The following IKZF3 variants were observed in gnomAD, a reference collection of about 807,000 sequenced individuals.
IKZF3 encodes the protein zinc finger protein Aiolos.
IKZF3 carries 10 observed loss-of-function variants against 49.0 expected under a neutral mutation model. The ratio of observed to expected loss-of-function variants is 0.20; its 90% CI spans 0.13 to 0.35. The LOEUF is 0.35. Ranked by LOEUF, IKZF3 falls within the 10% of genes least tolerant of loss-of-function variation. The pLI is 1.00. For synonymous variants in IKZF3, 209 were observed against 228.2 expected, an observed-to-expected ratio of 0.92 and a Z score of 0.76; for missense variants, 498 against 664.8, an observed-to-expected ratio of 0.75 and a Z score of 2.76.
intron 7 of IKZF3, among the ~76,000 whole-genome samples, chr17:39,774,917 C>T (rs574521026): frequency 1.2e-4 from 19 of 152,324 alleles, no homozygotes; most frequent in Non-Finnish European, 2.5e-4. Context: ...GAGAAAAAGG[C>T]TATCTGAAGT....
At position 39,829,564 on chromosome 17, in the gene IKZF3, C is replaced by T. The variant is rs1355807718; in HGVS notation, c.62-76G>A. 1.8e-5 allele frequency: 18 copies of T among 993,474 alleles called. No individual in the cohort carries two copies. The South Asian group carries it at 2.4e-4, about 13-fold the overall frequency. 61.5% of individuals were successfully genotyped at this position (993,474 alleles called of 1,614,324 possible). The stretch of plus-strand genomic sequence containing the variant: ...TATAAATATATATTAAGTAGACCCC[C>T]ATTTAACTTTCAGCTTCACACAATC... On this transcript the variant is annotated intron_variant, in intron 2 of 7. Transcript: ENST00000346872.
chr17:39,829,358 C>G, intron 3 of IKZF3, 29 bp downstream of exon 3: 1 of 1,444,930 alleles, frequency 6.9e-7, no homozygotes, highest in Non-Finnish European at 9.7e-7. Flanking sequence ...CTACAGGCAT[C>G]AGTGTTTAGT....
At chr17:39,792,557 C>T in intron 4 of IKZF3, 116 bp downstream of exon 4, 1 of 1,051,800 alleles carries the variant, frequency 9.5e-7, no homozygotes, top group Non-Finnish European at 1.4e-6. Flanking sequence ...AGAGATACAT[C>T]AGCATTATAG....
intron 1 of IKZF3, among the ~76,000 whole-genome samples, chr17:39,842,331 C>T (rs1598179134): frequency 6.6e-6 from 1 of 152,276 alleles, no homozygotes; most frequent in Non-Finnish European, 1.5e-5. Flanking sequence ...GTGTTTGAGA[C>T]AAGACTGGCC....
At chr17:39,816,545 T>C (rs1232353365) in intron 3 of IKZF3, among the ~76,000 whole-genome samples, 1 of 152,232 alleles carries the variant, frequency 6.6e-6, no homozygotes, top group Non-Finnish European at 1.5e-5. Context: ...GTTGAGAAGA[T>C]GCAACAGAGA....
At chr17:39,792,305 T>C (rs371803933) in intron 4 of IKZF3, among the ~76,000 whole-genome samples, 4 of 152,172 alleles carry the variant, frequency 2.6e-5, no homozygotes, top group East Asian at 1.9e-4. Flanking sequence ...TTACCAAATT[T>C]GAACCCAATA....
At chr17:39,792,631 T>C in intron 4 of IKZF3, 42 bp downstream of exon 4, 1 of 1,583,708 alleles carries the variant, frequency 6.3e-7, no homozygotes, top group Non-Finnish European at 8.6e-7. Context: ...CGTGGCTGCA[T>C]TAGGAGAGTT....
intron 3 of IKZF3, among the ~76,000 whole-genome samples, chr17:39,794,306 C>T (rs1287528775): frequency 6.6e-6 from 1 of 152,084 alleles, no homozygotes; most frequent in East Asian, 1.9e-4. Flanking sequence ...TATTACACAC[C>T]CTCCCATCAA....
chr17:39,797,563 T>C (rs962535032), intron 3 of IKZF3, among the ~76,000 whole-genome samples: 1 of 151,798 alleles, frequency 6.6e-6, no homozygotes, highest in South Asian at 2.1e-4. Flanking sequence ...GCTGGGACTA[T>C]AGGCACGTGC....
chr17:39,791,887 CTTT>C (rs1211244204), intron 4 of IKZF3, among the ~76,000 whole-genome samples: 4 of 126,822 alleles, frequency 3.2e-5, no homozygotes, highest in Admixed American at 8.1e-5. Flanking sequence ...TTGGTACTCC[CTTT>C]TTTTTTTTTT....
intron 5 of IKZF3, among the ~76,000 whole-genome samples, chr17:39,789,019 C>A (rs966139103): frequency 2.0e-4 from 31 of 152,150 alleles, no homozygotes; most frequent in African/African-American, 7.5e-4. Flanking sequence ...CTCGCTACAG[C>A]CCCAATTTCA....
intron 6 of IKZF3, among the ~76,000 whole-genome samples, chr17:39,780,243 T>TAAA (rs398041675): frequency 0.039 from 4,109 of 105,636 alleles, 78 homozygotes; most frequent in Non-Finnish European, 0.045. Flanking sequence ...AGACTCTGTC[T>TAAA]AAAAAAAAAA....
rs555651028 is a variant in IKZF3, at chr17:39,850,065, TATATATACTATATGC to T, written c.7+14040_7+14054del. 8.6e-3 allele frequency among the ~76,000 whole-genome samples: 667 copies of T among 77,576 alleles called. 14 individuals carry two copies. The highest frequency in any genetic ancestry group is 0.023 in the African/African-American group (627 of 26,932). 50.9% of individuals were successfully genotyped at this position (77,576 alleles called of 152,430 possible). On this transcript the variant is annotated intron_variant, in intron 1 of 7. Coordinates refer to ENST00000346872, the MANE Select transcript of IKZF3 (RefSeq NM_012481.5). The stretch of plus-strand genomic sequence containing the variant: ...TATAATATATAGTATATTATATATG[TATATATACTATATGC>T]ATATATACTATATAGCATATTATAT...
At chr17:39,777,603 A>C (rs769363590) in intron 7 of IKZF3, 48 bp downstream of exon 7, 4 of 1,348,916 alleles carry the variant, frequency 3.0e-6, no homozygotes, top group Non-Finnish European at 4.2e-6. Context: ...ATGTTATTTC[A>C]TTCAAACTAT....
intron 1 of IKZF3, among the ~76,000 whole-genome samples, chr17:39,851,260 C>T (rs1006947522): frequency 1.3e-5 from 2 of 151,740 alleles, no homozygotes; most frequent in African/African-American, 4.8e-5. Flanking sequence ...AACTCCTGGG[C>T]TCAAGTGATC....
chr17:39,835,249 C>T (rs1282935287), intron 1 of IKZF3: 6 of 540,216 alleles, frequency 1.1e-5, no homozygotes, highest in Admixed American at 6.1e-5. Context: ...CTGTAGGTGG[C>T]GATCTCAATG....
chr17:39,843,905 T>C (rs1434631410), intron 1 of IKZF3, among the ~76,000 whole-genome samples: 20 of 152,104 alleles, frequency 1.3e-4, no homozygotes, highest in Non-Finnish European at 2.9e-5. Context: ...ACAAGATAGA[T>C]TGAAGTGTAT....
chr17:39,829,956 A>C (rs1178810769), intron 2 of IKZF3, among the ~76,000 whole-genome samples: 2 of 139,068 alleles, frequency 1.4e-5, no homozygotes, highest in Non-Finnish European at 3.0e-5. Context: ...CGTCTCAAAC[A>C]AAAAAAAAAG....
chr17:39,795,935 G>C (rs1429200115), intron 3 of IKZF3, among the ~76,000 whole-genome samples: 2 of 151,748 alleles, frequency 1.3e-5, no homozygotes, highest in East Asian at 3.9e-4. Flanking sequence ...CCAGCTACTG[G>C]GGAGGCTGAG....
Sources: gnomAD v4.1 joint callset for allele counts (sites outside exome capture counted in the v4.1 genomes callset) on GRCh38, gnomAD v4.1.1 for gene constraint, MANE v1.5 for transcripts, NCBI Gene and HGNC (gene_info 2026-07-23, HGNC 2026-07-21) for gene names.